Variants in TTC6 observed in about 807,000 individuals in gnomAD.
The protein encoded by TTC6 is tetratricopeptide repeat domain 6.
TTC6 carries 172 observed loss-of-function variants against 210.4 expected under a neutral mutation model. The ratio of observed to expected loss-of-function variants is 0.82; its 90% CI spans 0.72 to 0.93. The LOEUF (loss-of-function observed/expected upper bound fraction) is 0.93. TTC6 is among the 40% of genes least tolerant of loss of function. The pLI is 0.00. For missense variants in TTC6, 2,414 were observed against 2,318.1 expected (o/e 1.04, Z -0.85); for synonymous variants, 804 against 819.6 (o/e 0.98, Z 0.32).
chr14:37,676,949 T>A (rs987134500), intron 1 of TTC6, among the ~76,000 whole-genome samples: 2 of 152,098 alleles, frequency 1.3e-5, no homozygotes, highest in Non-Finnish European at 2.9e-5. Flanking sequence ...ATCACACTGT[T>A]TTGATTATTG....
chr14:37,731,749 T>C (rs1165099401), intron 7 of TTC6, among the ~76,000 whole-genome samples: 1 of 152,224 alleles, frequency 6.6e-6, no homozygotes, highest in East Asian at 1.9e-4. Flanking sequence ...TTTCCTTCAT[T>C]AAATATTTGT....
At chr14:37,787,173 A>C (rs923810783) in intron 14 of TTC6, among the ~76,000 whole-genome samples, 1 of 152,204 alleles carries the variant, frequency 6.6e-6, no homozygotes, top group South Asian at 2.1e-4. Context: ...AATAAATGTC[A>C]TACTTATTTT....
At chr14:37,839,765 G>A (rs1419051583) in intron 29 of TTC6, among the ~76,000 whole-genome samples, 2 of 152,128 alleles carry the variant, frequency 1.3e-5, no homozygotes, top group Non-Finnish European at 2.9e-5. Context: ...TTCTTCTAGA[G>A]TTTTTATGGT....
intron 25 of TTC6, among the ~76,000 whole-genome samples, chr14:37,816,602 AG>A (rs1427118411): frequency 6.6e-6 from 1 of 152,150 alleles, no homozygotes; most frequent in African/African-American, 2.4e-5. Flanking sequence ...CTGGGGAAAA[AG>A]CAGTGCTATT....
chr14:37,675,139 A>G (rs1595090508), intron 1 of TTC6, among the ~76,000 whole-genome samples: 3 of 152,134 alleles, frequency 2.0e-5, no homozygotes, highest in East Asian at 1.9e-4. Flanking sequence ...AACATTTGCA[A>G]TGTTGAGCAG....
chr14:37,820,501 C>T (rs185083897), intron 26 of TTC6, among the ~76,000 whole-genome samples: 4 of 152,276 alleles, frequency 2.6e-5, no homozygotes, highest in African/African-American at 9.6e-5. Context: ...TTAGGCTATA[C>T]AGAAGGCAAG....
chr14:37,796,227 A>C (rs114940652), intron 18 of TTC6, 67 bp from the exon 21 acceptor site: 3 of 671,096 alleles, frequency 4.5e-6, no homozygotes, highest in Non-Finnish European at 7.4e-6. Flanking sequence ...GTAACTGATT[A>C]GAAGAAACTT....
chr14:37,765,765 C>G (rs8003755), intron 14 of TTC6, among the ~76,000 whole-genome samples: 71,397 of 151,786 alleles, frequency 0.47, 16,973 homozygotes, highest in East Asian at 0.58. Flanking sequence ...TTCATTTACT[C>G]GGAAATGCTT....
intron 27 of TTC6, 150 bp downstream of exon 29, chr14:37,824,107 C>T (rs1348586478): frequency 1.3e-6 from 1 of 779,442 alleles, no homozygotes; most frequent in African/African-American, 1.8e-5. Context: ...GCAGTGGGAG[C>T]AGGGGTTTAG....
At chr14:37,742,789 A>G (rs188457263) in intron 10 of TTC6, among the ~76,000 whole-genome samples, 6 of 152,250 alleles carry the variant, frequency 3.9e-5, no homozygotes, top group African/African-American at 1.4e-4. Context: ...TTCTAGGAGC[A>G]AGAACTCTGG....
chr14:37,796,406 T>G, intron 19 of TTC6, 36 bp downstream of exon 21: 1 of 887,200 alleles, frequency 1.1e-6, no homozygotes, highest in Non-Finnish European at 1.7e-6. Context: ...AAGAAATACT[T>G]CTTTAAAATT....
intron 1 of TTC6, among the ~76,000 whole-genome samples, chr14:37,639,940 T>C (rs1161701499): frequency 2.0e-5 from 3 of 149,984 alleles, no homozygotes; most frequent in Admixed American, 6.7e-5. Flanking sequence ...TCTATATATC[T>C]ATATATCTTC....
chr14:37,613,458 T>TA (rs1477551319), intron 2 of TTC6, among the ~76,000 whole-genome samples: 1 of 152,114 alleles, frequency 6.6e-6, no homozygotes, highest in African/African-American at 2.4e-5. Context: ...TTTCTTTCTT[T>TA]AAAAAATGCC....
At chr14:37,686,333 A>G (rs2095793687) in intron 3 of TTC6, among the ~76,000 whole-genome samples, 1 of 152,222 alleles carries the variant, frequency 6.6e-6, no homozygotes, top group African/African-American at 2.4e-5. Flanking sequence ...AGTTATTGCT[A>G]TTATCATTGG....
chr14:37,600,455 G>A (rs970585038), intron 1 of TTC6, among the ~76,000 whole-genome samples: 2 of 152,018 alleles, frequency 1.3e-5, no homozygotes, highest in Non-Finnish European at 2.9e-5. Flanking sequence ...TAGCTTCTCC[G>A]TCCCAGGCCG....
At chr14:37,815,818 G>T (rs2096140174) in intron 25 of TTC6, among the ~76,000 whole-genome samples, 1 of 152,078 alleles carries the variant, frequency 6.6e-6, no homozygotes, top group South Asian at 2.1e-4. Context: ...TTTATTCTAA[G>T]TAATGCTAAT....
intron 21 of TTC6, among the ~76,000 whole-genome samples, chr14:37,805,080 A>G (rs1231408428): frequency 6.6e-6 from 1 of 152,232 alleles, no homozygotes; most frequent in Non-Finnish European, 1.5e-5. Context: ...TAACTGCAGG[A>G]AATTATTACA....
intron 20 of TTC6, among the ~76,000 whole-genome samples, chr14:37,799,227 C>G (rs2096100033): frequency 6.6e-6 from 1 of 152,048 alleles, no homozygotes; most frequent in Non-Finnish European, 1.5e-5. Flanking sequence ...CATTTTAAGA[C>G]TTTTTATCAG....
intron 1 of TTC6, among the ~76,000 whole-genome samples, chr14:37,630,371 T>G (rs539971964): frequency 8.5e-5 from 13 of 152,334 alleles, no homozygotes; most frequent in Admixed American, 1.3e-4. Flanking sequence ...TTATTGAGTT[T>G]CCATGTAATT....
Sources: gnomAD v4.1 joint callset for allele counts (sites outside exome capture counted in the v4.1 genomes callset) on GRCh38, gnomAD v4.1.1 for gene constraint, MANE v1.5 for transcripts, NCBI Gene and HGNC (gene_info 2026-07-23, HGNC 2026-07-21) for gene names.